The following SF3B3 variants were observed in gnomAD, a reference collection of about 807,000 sequenced individuals.
The protein encoded by SF3B3 is SAP 130.
Under a neutral mutation model 139.2 loss-of-function variants are expected in SF3B3, and 33 were observed. The observed-to-expected ratio is 0.24, with a 90% CI of 0.18 to 0.32. The LOEUF (loss-of-function observed/expected upper bound fraction) is 0.32. SF3B3 is among the 10% of genes least tolerant of loss of function. The pLI, the probability that SF3B3 is intolerant of heterozygous loss-of-function variation, is 1.00. For synonymous variants in SF3B3, 596 were observed against 563.6 expected, an observed-to-expected ratio of 1.06 and a Z score of -0.81; for missense variants, 818 against 1,509.4, an observed-to-expected ratio of 0.54 and a Z score of 7.59.
chr16:70,556,240 G>A lies in SF3B3; in HGVS notation c.1772G>A (p.Ser591Asn), dbSNP rs2050378741. 2 of 1,614,094 alleles carry A rather than the reference G, an allele frequency of 1.2e-6. No homozygotes were observed. The highest frequency in any genetic ancestry group is 1.7e-6 in the Non-Finnish European group (2 of 1,180,042). Reference protein sequence around the residue: ...KEMSADVVCMSLANVPPGEQR... With the variant: ...KEMSADVVCMNLANVPPGEQR... Reference sequence around the variant, plus strand: ...ATGTCAGCAGATGTGGTGTGCATGAGTCTGGCCAATGTACCCCCTGGAGAG... The same window carrying A: ...ATGTCAGCAGATGTGGTGTGCATGAATCTGGCCAATGTACCCCCTGGAGAG... The change falls in exon 14 of 26, where the codon AGT (serine) becomes AAT (asparagine). Residue 591 changes from serine (S) to asparagine (N), a missense_variant. By Grantham distance (46) the Ser-to-Asn change is conservative (BLOSUM62 1). Transcript: ENST00000302516.
At chr16:70,528,844 T>C (rs371689419) in intron 2 of SF3B3, 29 bp from the exon 3 acceptor site, 4 of 1,555,994 alleles carry the variant, frequency 2.6e-6, no homozygotes, top group Non-Finnish European at 1.8e-6. Flanking sequence ...GTTCTGGTTG[T>C]TTATGATCTT....
intron 20 of SF3B3, 173 bp downstream of exon 20, chr16:70,565,697 G>A: frequency 1.6e-6 from 1 of 612,684 alleles, no homozygotes; most frequent in Non-Finnish European, 2.8e-6. Context: ...TTGTGCCTGT[G>A]CATTCCACAG....
intron 10 of SF3B3, among the ~76,000 whole-genome samples, chr16:70,545,618 A>T (rs576560731): frequency 1.3e-5 from 2 of 152,216 alleles, no homozygotes; most frequent in African/African-American, 4.8e-5. Flanking sequence ...GGGAATGGCA[A>T]TCTGAGCTCT....
rs2050417562 is a variant in SF3B3 at position 70,560,346 on chromosome 16, A to G, written c.2011-123A>G. 10 of 1,007,986 alleles carry G rather than the reference A, an allele frequency of 9.9e-6. 1 individual carries two copies. The South Asian group carries it at 2.1e-4, about 21-fold the overall frequency. 62.4% of individuals were successfully genotyped at this position (1,007,986 alleles called of 1,614,324 possible). A position where few individuals can be genotyped will look rare whatever the true frequency, so the allele number is the denominator to read the frequency against. ...TATCGGATTATTAGGATCTTTTTTAAACACCCAAGTCATTTCTTTCTATCT... is the reference window on the plus strand; with the variant it reads ...TATCGGATTATTAGGATCTTTTTTAGACACCCAAGTCATTTCTTTCTATCT... On this transcript the variant is annotated intron_variant, in intron 15 of 25. Transcript: ENST00000302516.
intron 15 of SF3B3, 133 bp downstream of exon 15, chr16:70,557,162 T>C (rs1409906527): frequency 1.1e-5 from 10 of 914,114 alleles, no homozygotes; most frequent in Non-Finnish European, 1.6e-5. Flanking sequence ...ACAGTGTCAC[T>C]CTGGGTTCCA....
At chr16:70,571,071 C>A in intron 24 of SF3B3, 24 bp from the exon 25 acceptor site, 1 of 1,559,852 alleles carries the variant, frequency 6.4e-7, no homozygotes, top group Non-Finnish European at 8.8e-7. Flanking sequence ...TTCTCAGTGA[C>A]AGATTTTTTG....
intron 15 of SF3B3, among the ~76,000 whole-genome samples, chr16:70,559,519 T>C (rs886235816): frequency 6.6e-6 from 1 of 152,038 alleles, no homozygotes; most frequent in Non-Finnish European, 1.5e-5. Context: ...AAACCTCATT[T>C]CCACCAAAAA....
At chr16:70,544,401 T>A in intron 9 of SF3B3, 37 bp from the exon 10 acceptor site, 1 of 1,237,448 alleles carries the variant, frequency 8.1e-7, no homozygotes, top group African/African-American at 1.5e-5. Context: ...AAAACAGCAC[T>A]GGAGACATTT....
chr16:70,554,478 G>C lies in SF3B3; in HGVS notation c.1435G>C (p.Val479Leu), dbSNP rs760031119. The change falls in exon 12 of 26, where the codon GTG becomes CTG. Residue 479 changes from valine (V) to leucine (L), a missense_variant. Physicochemically the swap from Val to Leu is conservative, Grantham distance 32 (BLOSUM62 1). This residue lies in a region of SF3B3 where 31 missense variants were observed against 77.3 expected (regional missense o/e 0.40). Transcript: ENST00000302516. ...TGATGCCTACATCATTGTGTCTTTC[G>C]TGAATGCCACCCTAGTGTTGTCCAT... ...EFDAYIIVSF[V>L]NATLVLSIGE... The C allele has an allele frequency of 6.2e-7, 1 of 1,613,950 alleles. No individual in the cohort carries two copies. Among genetic ancestry groups the C allele is most frequent in the Non-Finnish European group, 8.5e-7 (1 of 1,179,936 alleles).
chr16:70,571,642 T>A (rs369127027), intron 25 of SF3B3, 31 bp from the exon 26 acceptor site: 1 of 1,591,150 alleles, frequency 6.3e-7, no homozygotes, highest in Non-Finnish European at 8.5e-7. Context: ...ATCTCACCAT[T>A]TTTTTTCTTT....
intron 10 of SF3B3, among the ~76,000 whole-genome samples, chr16:70,547,705 C>T (rs1235905256): frequency 1.3e-5 from 2 of 152,186 alleles, no homozygotes; most frequent in African/African-American, 4.8e-5. Context: ...GCGATTCTCC[C>T]GCCTCAGCCT....
intron 7 of SF3B3, among the ~76,000 whole-genome samples, chr16:70,538,697 T>C (rs2151780658): frequency 6.6e-6 from 1 of 152,344 alleles, no homozygotes; most frequent in Non-Finnish European, 1.5e-5. Flanking sequence ...ATAGTGATTA[T>C]TTTTGGTGTG....
Position 70,567,399 on chromosome 16 carries a change from T to C in SF3B3, c.2827-12T>C. The C allele has an allele frequency of 1.9e-6, 3 of 1,608,458 alleles. No individual in the cohort carries two copies. The highest frequency in any genetic ancestry group is 2.5e-6 in the Non-Finnish European group (3 of 1,178,104). On this transcript the variant is annotated splice_polypyrimidine_tract_variant and intron_variant, in intron 20 of 25. Coordinates refer to ENST00000302516, the MANE Select transcript of SF3B3 (RefSeq NM_012426.5). ...ATTTATAATAGCTGTATTACCTGCT[T>C]TTCCTCTATAGACTCCTGTGGAAGA...
intron 18 of SF3B3, among the ~76,000 whole-genome samples, chr16:70,564,262 C>G (rs1244496373): frequency 6.6e-6 from 1 of 152,040 alleles, no homozygotes; most frequent in Non-Finnish European, 1.5e-5. Flanking sequence ...GTCCCAGCTA[C>G]TTGGGAGGCT....
intron 9 of SF3B3, 100 bp downstream of exon 9, chr16:70,541,934 G>A: frequency 9.4e-7 from 1 of 1,062,772 alleles, no homozygotes; most frequent in Non-Finnish European, 1.4e-6. Flanking sequence ...ACTCGCCAGT[G>A]TGTAAAGCAG....
rs2050079274 is a variant in SF3B3 at position 70,527,846 on chromosome 16, G to C, written c.71-1027G>C. On this transcript the variant is annotated intron_variant, in intron 2 of 25. Transcript: ENST00000302516. Reference sequence around the variant, plus strand: ...GCTGGAGCGCAGTGGTGTGATCTTGGCTCACTGCCACCTCCGCCTCCTGGG... The same window carrying C: ...GCTGGAGCGCAGTGGTGTGATCTTGCCTCACTGCCACCTCCGCCTCCTGGG... Among the ~76,000 whole-genome samples the C allele has an allele frequency of 4.6e-5, 7 of 152,274 alleles. No homozygotes were observed. In the South Asian group the frequency reaches 1.4e-3, roughly 32 times the overall value.
chr16:70,532,365 A>AAAAAAAAAAAAAAAAAAAAAAAAG (rs1159104206), intron 4 of SF3B3, 114 bp from the exon 5 acceptor site: 2 of 832,700 alleles, frequency 2.4e-6, no homozygotes, highest in African/African-American at 3.7e-5. Flanking sequence ...TCCAAAAAAA[A>AAAAAAAAAAAAAAAAAAAAAAAAG]AAGAAGACAT....
chr16:70,556,641 G>A, intron 14 of SF3B3: 1 of 599,442 alleles, frequency 1.7e-6, no homozygotes, highest in Non-Finnish European at 2.9e-6. Flanking sequence ...TTTTCAGGAG[G>A]TGTGCTTTGC....
chr16:70,544,369 T>C, intron 9 of SF3B3, 69 bp from the exon 10 acceptor site: 2 of 855,598 alleles, frequency 2.3e-6, no homozygotes, highest in Non-Finnish European at 4.0e-6. Flanking sequence ...TCTGGGATAC[T>C]AGAGAATCAG....
Sources: allele counts gnomAD v4.1 joint callset (sites outside exome capture counted in the v4.1 genomes callset), GRCh38; gene constraint gnomAD v4.1.1; regional missense constraint gnomAD v4.1.1; transcripts MANE v1.5; gene names NCBI Gene and HGNC (gene_info 2026-07-23, HGNC 2026-07-21).